Variants in ADAMTS13 observed in about 807,000 individuals in gnomAD.
ADAMTS13 encodes ADAM metallopeptidase with thrombospondin type 1 motif 13, also known as A disintegrin and metalloproteinase with thrombospondin motifs 13.
In ADAMTS13, 110 loss-of-function variants were observed where a neutral mutation model predicts 155.1. That is an observed-to-expected ratio of 0.71 (90% CI 0.61 to 0.83). The LOEUF is 0.83. Ranked by LOEUF, ADAMTS13 falls within the 40% of genes least tolerant of loss-of-function variation. The pLI is 0.00. For synonymous variants in ADAMTS13, 758 were observed against 756.4 expected (o/e 1.00, Z -0.03); for missense variants, 1,707 against 1,891.7 (o/e 0.90, Z 1.81).
rs782810090 is a variant in ADAMTS13 at position 133,433,423 on chromosome 9, A to G, written c.1138A>G (p.Ile380Val). ...RCRSLVELTP[I>V]AAVHGRWSSW... ...CCGCTCCCTGGTGGAGCTGACCCCC[A>G]TAGCAGCAGTGCATGGGCGCTGGTC... Residue 380 changes from isoleucine to valine, a missense_variant, in exon 10 of 29, where the codon ATA (isoleucine) becomes GTA (valine). Transcript: ENST00000355699. The G allele has an allele frequency of 1.2e-6, 2 of 1,613,290 alleles. No homozygotes were observed. The highest frequency in any genetic ancestry group is 1.7e-6 in the Non-Finnish European group (2 of 1,179,926).
chr9:133,429,780 A>G (rs1462790761), intron 7 of ADAMTS13, 159 bp from the exon 8 acceptor site: 5 of 1,000,508 alleles, frequency 5.0e-6, no homozygotes, highest in Non-Finnish European at 7.6e-6. Context: ...CCCAGCCAAG[A>G]GCCGGCTCCT....
In ADAMTS13 at chr9:133,425,982, C is replaced by T. The variant is rs782180043; in HGVS notation, c.459C>T (p.Ser153=). 31 of 1,613,842 alleles carry T rather than the reference C, an allele frequency of 1.9e-5. No homozygotes were observed. The highest frequency in any genetic ancestry group is 4.0e-5 in the African/African-American group (3 of 74,918). ...ITANLTSSLL[S]VCGWSQTINP... ...CCAACCTCACCTCGTCCCTGCTGAG[C>T]GTCTGTGGGTGGAGCCAGACCATCA... Residue 153 remains serine, a synonymous_variant, in exon 5 of 29, where the codon AGC becomes AGT. Coordinates refer to ENST00000355699, the MANE Select transcript of ADAMTS13 (RefSeq NM_139027.6). This position sits in a 1 kb window ranked among gnomAD's most constrained non-coding sequence, Gnocchi z 4.6.
In ADAMTS13 at chr9:133,424,286, A is replaced by C. The variant is rs1554784517; in HGVS notation, c.173-35A>C. 6.2e-7 allele frequency: 1 copy of C among 1,608,454 alleles called. No homozygotes were observed. The highest frequency in any genetic ancestry group is 1.1e-5 in the South Asian group (1 of 90,982). On this transcript the variant is annotated intron_variant, in intron 2 of 28. Coordinates refer to ENST00000355699, the MANE Select transcript of ADAMTS13 (RefSeq NM_139027.6). The surrounding 1 kb of genome is among the most constrained non-coding windows in gnomAD (Gnocchi z 4.3). ...TAGCTTTCCACTGCTTGCTCTCTAGAACCATCGCCCTCTGCTCTCCCTCTC... is the reference window on the plus strand; with the variant it reads ...TAGCTTTCCACTGCTTGCTCTCTAGCACCATCGCCCTCTGCTCTCCCTCTC...
chr9:133,418,639 C>G (rs1426471006), upstream of ADAMTS13, among the ~76,000 whole-genome samples: 1 of 152,152 alleles, frequency 6.6e-6, no homozygotes, highest in Non-Finnish European at 1.5e-5. Flanking sequence ...GTGAGAGGGT[C>G]GTGATCGATT....
intron 1 of ADAMTS13, among the ~76,000 whole-genome samples, chr9:133,415,435 C>G (rs1839528366): frequency 1.3e-5 from 2 of 151,728 alleles, no homozygotes; most frequent in South Asian, 4.2e-4. Flanking sequence ...ACAAGATTCC[C>G]TGGTTTGCTA....
chr9:133,450,987 T>G (rs1031538897), intron 23 of ADAMTS13, among the ~76,000 whole-genome samples: 1 of 152,096 alleles, frequency 6.6e-6, no homozygotes, highest in African/African-American at 2.4e-5. Context: ...GATGGAGGTC[T>G]CCACAGGGAC....
At chr9:133,434,275 G>A (rs1044708944) in intron 11 of ADAMTS13, among the ~76,000 whole-genome samples, 3 of 152,122 alleles carry the variant, frequency 2.0e-5, no homozygotes, top group South Asian at 2.1e-4. Context: ...AATACAGTGC[G>A]CTGCTGCATG....
intron 11 of ADAMTS13, among the ~76,000 whole-genome samples, chr9:133,435,161 A>T (rs1187846338): frequency 4.0e-5 from 6 of 149,976 alleles, no homozygotes; most frequent in Admixed American, 4.0e-4. Flanking sequence ...ACTGGATCGT[A>T]TGGGAATTGT....
At chr9:133,436,984 G>C (rs782548408) in intron 12 of ADAMTS13, 29 bp downstream of exon 12, 1 of 1,587,616 alleles carries the variant, frequency 6.3e-7, no homozygotes, top group Non-Finnish European at 8.6e-7. Context: ...GGGGTTGGGG[G>C]AGGAGCCAGC....
chr9:133,418,409 G>A (rs28624078), upstream of ADAMTS13, among the ~76,000 whole-genome samples: 8,334 of 152,280 alleles, frequency 0.055, 325 homozygotes, highest in Non-Finnish European at 0.087. Flanking sequence ...CATCTTCCAC[G>A]TACAGTGGGG....
At chr9:133,423,569 T>A (rs1840089318) in intron 2 of ADAMTS13, among the ~76,000 whole-genome samples, 1 of 152,208 alleles carries the variant, frequency 6.6e-6, no homozygotes, top group Non-Finnish European at 1.5e-5. Flanking sequence ...GATTTCCTTA[T>A]GATAAAGGCC....
intron 21 of ADAMTS13, among the ~76,000 whole-genome samples, chr9:133,446,413 G>A (rs1449378809): frequency 6.6e-6 from 1 of 152,192 alleles, no homozygotes; most frequent in Non-Finnish European, 1.5e-5. Flanking sequence ...TAGGGACCTT[G>A]TAGAAGTGGA....
At chr9:133,414,824 A>T in intron 1 of ADAMTS13, 1 of 1,613,976 alleles carries the variant, frequency 6.2e-7, no homozygotes, top group African/African-American at 1.3e-5. Flanking sequence ...CCTCCTGTCC[A>T]TCTTGGAACC....
At chr9:133,435,404 G>T (rs28880037) in intron 11 of ADAMTS13, among the ~76,000 whole-genome samples, 39,379 of 151,530 alleles carry the variant, frequency 0.26, 6,401 homozygotes, top group South Asian at 0.39. Flanking sequence ...AGCCAGGATG[G>T]TCTGGATCTC....
intron 1 of ADAMTS13, chr9:133,415,104 T>C: frequency 2.1e-6 from 2 of 948,410 alleles, no homozygotes; most frequent in East Asian, 2.4e-5. Flanking sequence ...TATACACACA[T>C]ATACACCAAA....
Position 133,424,525 on chromosome 9 carries a change from G to T in ADAMTS13, c.330+47G>T. 6.3e-7 allele frequency: 1 copy of T among 1,581,856 alleles called. No homozygotes were observed. The highest frequency in any genetic ancestry group is 1.1e-5 in the South Asian group (1 of 87,536). ...GTGCAGGTCCCCACGGCCAGGGCTG[G>T]TGACCAATGTCTGTGGGCTGGTGTA... On this transcript the variant is annotated intron_variant, in intron 3 of 28. Coordinates refer to ENST00000355699, the MANE Select transcript of ADAMTS13 (RefSeq NM_139027.6). This position sits in a 1 kb window ranked among gnomAD's most constrained non-coding sequence, Gnocchi z 4.3.
intron 23 of ADAMTS13, 113 bp downstream of exon 23, chr9:133,450,078 A>T (rs1186976316): frequency 7.5e-7 from 1 of 1,336,534 alleles, no homozygotes; most frequent in Non-Finnish European, 1.0e-6. Context: ...CAGGAGAACC[A>T]CTTGAGTCCA....
At chr9:133,446,301 C>T (rs1367086074) in intron 21 of ADAMTS13, among the ~76,000 whole-genome samples, 2 of 152,214 alleles carry the variant, frequency 1.3e-5, no homozygotes, top group East Asian at 1.9e-4. Flanking sequence ...TTTCCAGTTT[C>T]GCAAACTGGA....
chr9:133,414,504 A>T (rs1554781024), exon 1 of ADAMTS13: 4 of 746,186 alleles, frequency 5.4e-6, no homozygotes, highest in Non-Finnish European at 9.5e-6. Flanking sequence ...TCATGCGCAC[A>T]CTCTAGGGGA....
Sources: allele counts gnomAD v4.1 joint callset (sites outside exome capture counted in the v4.1 genomes callset), GRCh38; gene constraint gnomAD v4.1.1; non-coding constraint Gnocchi (gnomAD v3.1); transcripts MANE v1.5; gene names NCBI Gene and HGNC (gene_info 2026-07-23, HGNC 2026-07-21).